FBXO32: variants seen among roughly 807,000 people sequenced by gnomAD.
FBXO32 encodes F-box protein 32.
In FBXO32, 15 loss-of-function variants were observed where a neutral mutation model predicts 48.3. That is an observed-to-expected ratio of 0.31 (90% CI 0.21 to 0.48). The LOEUF (loss-of-function observed/expected upper bound fraction) is 0.48, where lower values mean the gene tolerates loss of function less well. Among genes scored for constraint, FBXO32 ranks in the 20% least tolerant of loss-of-function variants. The probability of loss-of-function intolerance (pLI) is 0.99; values close to 1 mark genes in which losing one functional copy is unlikely to be tolerated. For missense variants in FBXO32, 309 were observed against 432.7 expected, an observed-to-expected ratio of 0.71 and a Z score of 2.54; for synonymous variants, 154 against 165.9, an observed-to-expected ratio of 0.93 and a Z score of 0.55.
Position 123,503,099 on chromosome 8 carries a change from A to T in FBXO32, c.*274T>A, listed in dbSNP as rs1816530756. 3.8e-6 allele frequency: 1 copy of T among 260,008 alleles called. No homozygotes were observed. The highest frequency in any genetic ancestry group is 2.2e-5 in the African/African-American group (1 of 44,892). 16.1% of individuals were successfully genotyped at this position (260,008 alleles called of 1,614,324 possible). On this transcript the variant is annotated 3_prime_UTR_variant, in exon 9 of 9. Coordinates refer to ENST00000517956, the MANE Select transcript of FBXO32 (RefSeq NM_058229.4). ...CCATTTTCACCGCTGAAATAGAATT[A>T]TTGCCCTTATAGTCTTGCTGGCAAA...
At chr8:123,518,504 T>C (rs564699823) in intron 4 of FBXO32, among the ~76,000 whole-genome samples, 1 of 152,354 alleles carries the variant, frequency 6.6e-6, no homozygotes, top group South Asian at 2.1e-4. Flanking sequence ...ACTATGTTGG[T>C]GATACATTTA....
At chr8:123,518,657 T>C (rs994934992) in intron 4 of FBXO32, among the ~76,000 whole-genome samples, 2 of 152,210 alleles carry the variant, frequency 1.3e-5, no homozygotes, top group Non-Finnish European at 2.9e-5. Context: ...CTAAGCACTA[T>C]ACATTTGTAA....
chr8:123,509,577 G>A (rs1408787811), intron 6 of FBXO32, among the ~76,000 whole-genome samples: 1 of 152,116 alleles, frequency 6.6e-6, no homozygotes, highest in Non-Finnish European at 1.5e-5. Context: ...GCGAGTGACT[G>A]TAGTCCCAGC....
intron 4 of FBXO32, 120 bp downstream of exon 4, chr8:123,531,778 G>T: frequency 8.4e-7 from 1 of 1,187,854 alleles, no homozygotes; most frequent in Non-Finnish European, 1.2e-6. Context: ...TTTTCTGCTT[G>T]CCTCAAAATT....
intron 3 of FBXO32, 77 bp downstream of exon 3, chr8:123,533,114 T>C (rs1587003003): frequency 9.1e-7 from 1 of 1,093,914 alleles, no homozygotes. Context: ...GTAATTTCCC[T>C]CCCTACCATA....
In FBXO32 at chr8:123,506,762, A is replaced by T; in HGVS notation, c.652-188T>A. The T allele has an allele frequency of 1.7e-6, 1 of 596,842 alleles. No homozygotes were observed. The highest frequency in any genetic ancestry group is 2.1e-5 in the South Asian group (1 of 48,426). The allele number at this position is 596,842 out of a possible 1,614,324, so 37.0% of individuals were successfully genotyped here. ...AGACCATGGCCATGACCCTCAATGA[A>T]GTGTGGAGTGCGCTGAGCTGAGTGG... On this transcript the variant is annotated intron_variant, in intron 6 of 8. Coordinates refer to ENST00000517956, the MANE Select transcript of FBXO32 (RefSeq NM_058229.4). This position sits in a 1 kb window ranked among gnomAD's most constrained non-coding sequence, Gnocchi z 4.0.
chr8:123,505,721 G>C (rs770351988), intron 7 of FBXO32, among the ~76,000 whole-genome samples: 1 of 152,200 alleles, frequency 6.6e-6, no homozygotes, highest in Non-Finnish European at 1.5e-5. Context: ...GGGTGACACA[G>C]TGAGATTCCA....
chr8:123,508,654 C>T (rs771849285), intron 6 of FBXO32, among the ~76,000 whole-genome samples: 7 of 152,162 alleles, frequency 4.6e-5, no homozygotes, highest in Non-Finnish European at 8.8e-5. Context: ...CTTTGCCAAC[C>T]GCAGAAGGCC....
At chr8:123,503,601 G>A (rs536668414) in intron 8 of FBXO32, 139 bp from the exon 9 acceptor site, 12 of 625,078 alleles carry the variant, frequency 1.9e-5, no homozygotes, top group East Asian at 8.5e-5. Context: ...GTTCTCACTC[G>A]TATGTGGGAG....
intron 1 of FBXO32, among the ~76,000 whole-genome samples, chr8:123,538,254 G>T (rs1817347307): frequency 6.6e-6 from 1 of 151,972 alleles, no homozygotes. Context: ...TAGGTGTGCT[G>T]TGTGGACAAG....
chr8:123,531,794 G>T, intron 4 of FBXO32, 104 bp downstream of exon 4: 1 of 1,386,506 alleles, frequency 7.2e-7, no homozygotes, highest in South Asian at 1.4e-5. Context: ...AAATTCTTAG[G>T]GTCCTAAAAA....
chr8:123,507,274 T>C (rs1816645277), intron 6 of FBXO32, among the ~76,000 whole-genome samples: 1 of 152,212 alleles, frequency 6.6e-6, no homozygotes, highest in African/African-American at 2.4e-5. Flanking sequence ...TTGCTGGAAC[T>C]TAAGCTCTAT....
chr8:123,504,565 G>A, intron 8 of FBXO32, 39 bp downstream of exon 8: 1 of 1,590,942 alleles, frequency 6.3e-7, no homozygotes, highest in Non-Finnish European at 8.6e-7. Flanking sequence ...CTTAGGGGCT[G>A]GGCTGGGGGT....
At chr8:123,531,219 T>G (rs1179319900) in intron 4 of FBXO32, among the ~76,000 whole-genome samples, 1 of 151,924 alleles carries the variant, frequency 6.6e-6, no homozygotes, top group African/African-American at 2.4e-5. Flanking sequence ...TGACCTCAGG[T>G]GATCCGCCCG....
Position 123,540,846 on chromosome 8 carries a change from A to G in FBXO32, c.116+53T>C. The G allele has an allele frequency of 1.3e-6, 2 of 1,484,828 alleles. No homozygotes were observed. The highest frequency in any genetic ancestry group is 2.3e-5 in the South Asian group (2 of 86,112). 92.0% of individuals were successfully genotyped at this position (1,484,828 alleles called of 1,614,324 possible). A position where few individuals can be genotyped will look rare whatever the true frequency, so the allele number is the denominator to read the frequency against. On this transcript the variant is annotated intron_variant, in intron 1 of 8. Coordinates refer to ENST00000517956, the MANE Select transcript of FBXO32 (RefSeq NM_058229.4). The surrounding 1 kb of genome is among the most constrained non-coding windows in gnomAD (Gnocchi z 6.4). ...CATTCGCCGTCCCTGCGCCCCCCAG[A>G]CCAGCCCGGGTCAGTTTCGCGGGGG...
chr8:123,504,040 A>G (rs1477592714), intron 8 of FBXO32, among the ~76,000 whole-genome samples: 1 of 150,988 alleles, frequency 6.6e-6, no homozygotes, highest in South Asian at 2.1e-4. Flanking sequence ...AGGTCCCACC[A>G]CTGCACTCCA....
Position 123,506,384 on chromosome 8 carries a change from T to C in FBXO32, c.834+8A>G. 6.2e-7 allele frequency: 1 copy of C among 1,612,532 alleles called. No individual in the cohort carries two copies. Among genetic ancestry groups the C allele is most frequent in the Non-Finnish European group, 8.5e-7 (1 of 1,179,784 alleles). ...GGGTGGGAGGAAAGCCCACTGGGCC[T>C]TGCTGACCTGCCGCTCGGAGAAGTG... On this transcript the variant is annotated splice_region_variant and intron_variant, in intron 7 of 8. Transcript: ENST00000517956. This position sits in a 1 kb window ranked among gnomAD's most constrained non-coding sequence, Gnocchi z 4.0.
At position 123,540,898 on chromosome 8, in the gene FBXO32, C is replaced by T. The variant is rs200581714; in HGVS notation, c.116+1G>A. The stretch of plus-strand genomic sequence containing the variant: ...TGGAAGTTGGTAGCGGGTCCCCTCA[C>T]CTGCTGAGGTCGCTCACGAAACTGC... On this transcript the variant is annotated splice_donor_variant, in intron 1 of 8. Transcript: ENST00000517956. LOFTEE classifies it high-confidence loss of function. The surrounding 1 kb of genome is among the most constrained non-coding windows in gnomAD (Gnocchi z 6.4). 3 of 1,612,784 alleles carry T rather than the reference C, an allele frequency of 1.9e-6. No homozygotes were observed. The highest frequency in any genetic ancestry group is 2.2e-5 in the East Asian group (1 of 44,766).
intron 6 of FBXO32, among the ~76,000 whole-genome samples, chr8:123,509,026 T>C (rs768452618): frequency 5.9e-5 from 9 of 152,204 alleles, no homozygotes; most frequent in Non-Finnish European, 1.2e-4. Context: ...TCTATGTCAC[T>C]CCTCACATGC....
Sources: allele counts gnomAD v4.1 joint callset (sites outside exome capture counted in the v4.1 genomes callset), GRCh38; gene constraint gnomAD v4.1.1; non-coding constraint Gnocchi (gnomAD v3.1); transcripts MANE v1.5; gene names NCBI Gene and HGNC (gene_info 2026-07-23, HGNC 2026-07-21).